GRIA3: variants seen among roughly 807,000 people sequenced by gnomAD.
GRIA3 encodes the protein glutamate receptor 3.
GRIA3 carries 3 observed loss-of-function variants against 63.0 expected under a neutral mutation model. That is an observed-to-expected ratio of 0.05 (90% CI 0.02 to 0.12). The LOEUF (loss-of-function observed/expected upper bound fraction) is 0.12, where lower values mean the gene tolerates loss of function less well. Among genes scored for constraint, GRIA3 ranks in the 10% least tolerant of loss-of-function variants. GRIA3 has a pLI of 1.00. For missense variants in GRIA3, 347 were observed against 700.9 expected (o/e 0.50, Z 5.70); for synonymous variants, 274 against 257.9 (o/e 1.06, Z -0.60).
intron 2 of GRIA3, among the ~76,000 whole-genome samples, chrX:123,227,197 G>A (rs1323803375): frequency 9.0e-6 from 1 of 110,866 alleles, no homozygotes. Context: ...GTCACTTAAG[G>A]TTACTTCCTT....
chrX:123,221,290 G>A (rs1255025187), intron 2 of GRIA3, among the ~76,000 whole-genome samples: 1 of 112,028 alleles, frequency 8.9e-6, no homozygotes, highest in Non-Finnish European at 1.9e-5. Flanking sequence ...TATTACCCTG[G>A]AAGGAATGCA....
chrX:123,222,128 G>T (rs1373245734), intron 2 of GRIA3, among the ~76,000 whole-genome samples: 1 of 111,618 alleles, frequency 9.0e-6, no homozygotes, highest in Non-Finnish European at 1.9e-5. Context: ...CTTCCCAGGA[G>T]ATCAAACTCA....
chrX:123,249,887 T>C (rs1241273991), intron 2 of GRIA3, among the ~76,000 whole-genome samples: 1 of 111,652 alleles, frequency 9.0e-6, no homozygotes, highest in Non-Finnish European at 1.9e-5. Flanking sequence ...TAAGTTCTTC[T>C]TTTGTCTCAT....
At chrX:123,355,137 G>A (rs1322933998) in intron 5 of GRIA3, among the ~76,000 whole-genome samples, 174 bp downstream of exon 5, 1 of 112,361 alleles carries the variant, frequency 8.9e-6, no homozygotes, top group Non-Finnish European at 1.9e-5. Context: ...TTATGCTGTC[G>A]TTTTAGCTGT....
intron 2 of GRIA3, among the ~76,000 whole-genome samples, chrX:123,221,935 T>C (rs1408060470): frequency 9.0e-6 from 1 of 111,689 alleles, no homozygotes; most frequent in East Asian, 2.8e-4. Context: ...TGGGTGATAG[T>C]GAAACATTGC....
intron 3 of GRIA3, among the ~76,000 whole-genome samples, chrX:123,286,359 C>G (rs1399634991): frequency 9.0e-6 from 1 of 111,427 alleles, no homozygotes; most frequent in Non-Finnish European, 1.9e-5. Flanking sequence ...ATTAAAAGAA[C>G]TAGAGAAGCA....
At chrX:123,402,861 G>C in intron 7 of GRIA3, 133 bp from the exon 8 acceptor site, 1 of 454,950 alleles carries the variant, frequency 2.2e-6, no homozygotes, top group Admixed American at 2.6e-5. Context: ...GACTCGATCT[G>C]GTGGATAGAG....
At chrX:123,243,002 A>G (rs1438669575) in intron 2 of GRIA3, among the ~76,000 whole-genome samples, 1 of 112,389 alleles carries the variant, frequency 8.9e-6, no homozygotes, top group Non-Finnish European at 1.9e-5. Context: ...TGGAGTAGGT[A>G]CTATTATACC....
At chrX:123,368,036 ACTT>A (rs2045223810) in intron 5 of GRIA3, among the ~76,000 whole-genome samples, 1 of 112,012 alleles carries the variant, frequency 8.9e-6, no homozygotes, top group Non-Finnish European at 1.9e-5. Context: ...TCACTGCTCT[ACTT>A]CTACTCACAA....
chrX:123,448,199 C>T (rs777116179), intron 12 of GRIA3, among the ~76,000 whole-genome samples: 1 of 112,440 alleles, frequency 8.9e-6, no homozygotes, highest in African/African-American at 3.2e-5. Flanking sequence ...TTCAATTTTA[C>T]ACAATTAGGA....
At chrX:123,322,196 C>T (rs955543776) in intron 3 of GRIA3, among the ~76,000 whole-genome samples, 1 of 111,503 alleles carries the variant, frequency 9.0e-6, no homozygotes, top group African/African-American at 3.3e-5. Flanking sequence ...ATAGCTGCAG[C>T]CCAGTTCTTC....
chrX:123,417,962 T>C (rs1475437374), intron 11 of GRIA3, 184 bp downstream of exon 11: 3 of 486,550 alleles, frequency 6.2e-6, no homozygotes, highest in South Asian at 3.0e-5. Flanking sequence ...TTGGTGTTGC[T>C]TTGAATGTCT....
rs1026232576 is a variant in GRIA3, at chrX:123,184,630, A to G, written c.95A>G (p.Asn32Ser). Residue 32 changes from asparagine to serine, a missense_variant, in exon 1 of 16, where the codon AAC becomes AGC. Physicochemically the swap from Asn to Ser is conservative, Grantham distance 46. Around this residue, in one of 8 missense-constraint regions of GRIA3, gnomAD observed 36 missense variants for 28.2 expected, o/e 1.28. Transcript: ENST00000620443. Reference protein sequence around the residue: ...LLGHSHGGFPNTISIGGLFMR... With the variant: ...LLGHSHGGFPSTISIGGLFMR... ...GGTCATTCTCACGGAGGATTCCCCA[A>G]CACCATCAGCATAGGTAAGCGCAAG... 2 of 1,191,692 alleles carry G rather than the reference A, an allele frequency of 1.7e-6. No individual in the cohort carries two copies. Among genetic ancestry groups the G allele is most frequent in the East Asian group, 5.9e-5 (2 of 33,667 alleles).
At chrX:123,311,204 C>T (rs1335305383) in intron 3 of GRIA3, among the ~76,000 whole-genome samples, 2 of 111,463 alleles carry the variant, frequency 1.8e-5, no homozygotes, top group Non-Finnish European at 3.8e-5. Context: ...TCTTAGATTG[C>T]ACGCAAGTTC....
intron 3 of GRIA3, among the ~76,000 whole-genome samples, chrX:123,323,623 A>G (rs1374870692): frequency 8.9e-6 from 1 of 112,024 alleles, no homozygotes; most frequent in Non-Finnish European, 1.9e-5. Flanking sequence ...TGTTAAGTGG[A>G]CAGACAAGTG....
At position 123,483,041 on chromosome X, in the gene GRIA3, C is replaced by T; in HGVS notation, c.2682C>T (p.Ile894=). The T allele has an allele frequency of 8.3e-7, 1 of 1,198,372 alleles. No individual in the cohort carries two copies. Among genetic ancestry groups the T allele is most frequent in the Non-Finnish European group, 1.1e-6 (1 of 883,884 alleles). The part of the protein sequence containing the change: ...YNVYGTESVK[I] ...TGTATGGAACAGAGAGTGTTAAGAT[C>T]TAGGGGTACGGTTAAGGTCTAGTAA... is the stretch of plus-strand genomic sequence containing the variant. The change falls in exon 15 of 16, where the codon ATC becomes ATT. Residue 894 remains isoleucine (I), a synonymous_variant. Coordinates refer to ENST00000620443, the MANE Select transcript of GRIA3 (RefSeq NM_007325.5).
chrX:123,458,227 C>T (rs2045772297), intron 12 of GRIA3, among the ~76,000 whole-genome samples: 1 of 108,787 alleles, frequency 9.2e-6, no homozygotes, highest in Admixed American at 9.9e-5. Flanking sequence ...GCTACACACC[C>T]GTGGTGCGGT....
chrX:123,335,129 T>C (rs2044966276), intron 4 of GRIA3, among the ~76,000 whole-genome samples: 1 of 110,640 alleles, frequency 9.0e-6, no homozygotes, highest in Non-Finnish European at 1.9e-5. Flanking sequence ...CATCATTGAT[T>C]TCTTAGCTGA....
chrX:123,206,309 T>C (rs750165001), intron 2 of GRIA3, among the ~76,000 whole-genome samples: 9 of 111,903 alleles, frequency 8.0e-5, no homozygotes, highest in Non-Finnish European at 1.3e-4. Flanking sequence ...CTGTCTCCTC[T>C]GACCCGGCAA....
Sources: allele counts gnomAD v4.1 joint callset (sites outside exome capture counted in the v4.1 genomes callset), GRCh38; gene constraint gnomAD v4.1.1; regional missense constraint gnomAD v4.1.1; transcripts MANE v1.5; gene names NCBI Gene and HGNC (gene_info 2026-07-23, HGNC 2026-07-21).